The following AFF2 variants were observed in gnomAD, a reference collection of about 807,000 sequenced individuals.
AFF2 encodes ALF transcription elongation factor 2, also known as AF4/FMR2 family member 2.
AFF2 carries 14 observed loss-of-function variants against 76.9 expected under a neutral mutation model. That is an observed-to-expected ratio of 0.18 (90% CI 0.12 to 0.28). The LOEUF (loss-of-function observed/expected upper bound fraction) is 0.28. Ranked by LOEUF, AFF2 falls within the 10% of genes least tolerant of loss-of-function variation. AFF2 has a pLI of 1.00. For synonymous variants in AFF2, 398 were observed against 366.7 expected, an observed-to-expected ratio of 1.09 and a Z score of -0.98; for missense variants, 868 against 1,001.1, an observed-to-expected ratio of 0.87 and a Z score of 1.79.
chrX:148,703,421 ATC>A (rs1338001715), intron 3 of AFF2, among the ~76,000 whole-genome samples: 14 of 112,157 alleles, frequency 1.2e-4, no homozygotes, highest in African/African-American at 3.9e-4. Context: ...TAAAAATAAT[ATC>A]TGTTTCCCAC....
intron 9 of AFF2, among the ~76,000 whole-genome samples, chrX:148,945,779 G>C (rs782116158): frequency 3.6e-5 from 4 of 112,342 alleles, no homozygotes; most frequent in Non-Finnish European, 5.6e-5. Context: ...CTTATGTTAA[G>C]TGCCTAGCCT....
chrX:148,694,585 G>T (rs1003785889), intron 3 of AFF2, among the ~76,000 whole-genome samples: 4 of 111,235 alleles, frequency 3.6e-5, no homozygotes, highest in Non-Finnish European at 5.7e-5. Context: ...GCTTTGTTGT[G>T]CCCAAATCAT....
chrX:148,686,618 A>G (rs1352169786), intron 3 of AFF2, among the ~76,000 whole-genome samples: 1 of 111,697 alleles, frequency 9.0e-6, no homozygotes, highest in Non-Finnish European at 1.9e-5. Context: ...TGATGATAAT[A>G]TATGTATCAA....
At chrX:148,598,320 G>A (rs2053594375) in intron 1 of AFF2, among the ~76,000 whole-genome samples, 1 of 111,830 alleles carries the variant, frequency 8.9e-6, no homozygotes, top group Admixed American at 9.5e-5. Flanking sequence ...ATGGGAACAC[G>A]AGGCCATTTA....
intron 3 of AFF2, among the ~76,000 whole-genome samples, chrX:148,762,171 A>T (rs1557267348): frequency 9.1e-6 from 1 of 109,605 alleles, no homozygotes; most frequent in Admixed American, 9.8e-5. Flanking sequence ...ACTGTACCCA[A>T]TGTGTAGTCT....
In AFF2 at chrX:148,885,943, G is replaced by A; in HGVS notation, c.1317G>A (p.Val439=). The A allele has an allele frequency of 8.3e-7, 1 of 1,210,666 alleles. No homozygotes were observed. Among genetic ancestry groups the A allele is most frequent in the Non-Finnish European group, 1.1e-6 (1 of 894,736 alleles). The change falls in exon 8 of 21, where the codon GTG becomes GTA. Residue 439 remains valine, a synonymous_variant. Coordinates refer to ENST00000370460, the MANE Select transcript of AFF2 (RefSeq NM_002025.4). ...LSSDEDDLEP[V]KTLTTQCTAT... is the part of the protein sequence containing the mutation. ...GTGATGAAGATGACCTTGAGCCTGTGAAGACCTTGACCACTCAGTGCACTG... is the reference window on the plus strand; with the variant it reads ...GTGATGAAGATGACCTTGAGCCTGTAAAGACCTTGACCACTCAGTGCACTG...
At chrX:148,874,104 C>G (rs1320448454) in intron 7 of AFF2, among the ~76,000 whole-genome samples, 2 of 111,430 alleles carry the variant, frequency 1.8e-5, no homozygotes, top group African/African-American at 6.5e-5. Context: ...AATTGGCACC[C>G]TCTTACCTGA....
At chrX:148,536,360 T>TG (rs1191813427) in intron 1 of AFF2, among the ~76,000 whole-genome samples, 1 of 111,668 alleles carries the variant, frequency 9.0e-6, no homozygotes, top group Admixed American at 9.5e-5. Flanking sequence ...CCTGGAGGGC[T>TG]GGGGGTGCCT....
intron 3 of AFF2, among the ~76,000 whole-genome samples, chrX:148,680,386 G>A (rs1290588465): frequency 3.6e-5 from 4 of 112,216 alleles, no homozygotes; most frequent in Non-Finnish European, 7.5e-5. Flanking sequence ...GGTATTGCAT[G>A]TGCAGGCCTT....
At chrX:148,968,070 G>T (rs1436100919) in intron 15 of AFF2, among the ~76,000 whole-genome samples, 6 of 111,423 alleles carry the variant, frequency 5.4e-5, no homozygotes, top group Admixed American at 1.9e-4. Flanking sequence ...GAGTTGTTTA[G>T]AGCTGTCTAA....
At chrX:148,885,781 C>A in intron 7 of AFF2, 108 bp from the exon 8 acceptor site, 1 of 658,129 alleles carries the variant, frequency 1.5e-6, no homozygotes, top group Non-Finnish European at 2.5e-6. Flanking sequence ...GAAGGATTTG[C>A]AGCTGTCAGA....
intron 12 of AFF2, among the ~76,000 whole-genome samples, chrX:148,959,529 G>A (rs2124368999): frequency 8.9e-6 from 1 of 112,132 alleles, no homozygotes; most frequent in African/African-American, 3.2e-5. Context: ...CTGGATCTTT[G>A]TTGTTTTGAG....
intron 3 of AFF2, among the ~76,000 whole-genome samples, chrX:148,778,176 C>G (rs782250474): frequency 8.9e-6 from 1 of 111,999 alleles, no homozygotes; most frequent in East Asian, 2.8e-4. Flanking sequence ...GTGTGTTGAA[C>G]TAGCCTTGCA....
chrX:148,747,145 TCATGAACTC>T (rs1557266131), intron 3 of AFF2, among the ~76,000 whole-genome samples: 2 of 111,921 alleles, frequency 1.8e-5, no homozygotes, highest in Non-Finnish European at 3.8e-5. Context: ...CCAAGACTCC[TCATGAACTC>T]CTATTCACCC....
At chrX:148,513,147 T>A (rs2052500360) in intron 1 of AFF2, among the ~76,000 whole-genome samples, 1 of 112,669 alleles carries the variant, frequency 8.9e-6, no homozygotes, top group Non-Finnish European at 1.9e-5. Flanking sequence ...GAGTACATAT[T>A]ATTATAAAGC....
chrX:148,901,080 C>T (rs781959940), intron 8 of AFF2, among the ~76,000 whole-genome samples: 4 of 111,946 alleles, frequency 3.6e-5, no homozygotes, highest in African/African-American at 6.5e-5. Flanking sequence ...TCACAACCAC[C>T]GTTGCTGTAG....
intron 1 of AFF2, 111 bp downstream of exon 1, chrX:148,501,255 C>G (rs2052345314): frequency 2.0e-6 from 2 of 983,170 alleles, no homozygotes; most frequent in African/African-American, 3.8e-5. Context: ...GCCCCGGACT[C>G]CCTCCCACTT....
intron 1 of AFF2, among the ~76,000 whole-genome samples, chrX:148,621,959 G>A (rs782078228): frequency 8.9e-6 from 1 of 112,157 alleles, no homozygotes; most frequent in African/African-American, 3.2e-5. Flanking sequence ...CATGTCAAGA[G>A]CATTAGGACT....
intron 7 of AFF2, 113 bp from the exon 8 acceptor site, chrX:148,885,776 A>G: frequency 1.6e-6 from 1 of 641,355 alleles, no homozygotes; most frequent in Non-Finnish European, 2.6e-6. Flanking sequence ...CCTTTGAAGG[A>G]TTTGCAGCTG....
Sources: allele counts gnomAD v4.1 joint callset (sites outside exome capture counted in the v4.1 genomes callset), GRCh38; gene constraint gnomAD v4.1.1; transcripts MANE v1.5; gene names NCBI Gene and HGNC (gene_info 2026-07-23, HGNC 2026-07-21).